SAMMSON: variants seen among roughly 807,000 people sequenced by gnomAD.
SAMMSON encodes the protein survival associated mitochondrial melanoma specific oncogenic non-coding RNA, also known as long intergenic non-protein coding RNA 1212.
chr3:70,399,187 C>T (rs1191188062), intron 2 of SAMMSON, among the ~76,000 whole-genome samples: 3 of 152,172 alleles, frequency 2.0e-5, no homozygotes, highest in Admixed American at 6.5e-5. Context: ...TACTCATATT[C>T]CACAACATCC....
chr3:70,317,452 C>T (rs1702503030), intron 7 of SAMMSON, among the ~76,000 whole-genome samples: 1 of 151,728 alleles, frequency 6.6e-6, no homozygotes, highest in Non-Finnish European at 1.5e-5. Flanking sequence ...TAATAGACTA[C>T]AATATAGAGT....
intron 1 of SAMMSON, among the ~76,000 whole-genome samples, chr3:70,002,685 G>A (rs1404622290): frequency 2.6e-5 from 4 of 151,780 alleles, no homozygotes; most frequent in Non-Finnish European, 5.9e-5. Context: ...ACTTTTTTTT[G>A]TTTTTGATTA....
At chr3:70,378,988 T>TTTAC (rs1485395816) in intron 9 of SAMMSON, among the ~76,000 whole-genome samples, 11 of 107,134 alleles carry the variant, frequency 1.0e-4, no homozygotes, top group African/African-American at 3.7e-4. Context: ...CTTTTATTTA[T>TTTAC]TTATTTATTT....
At chr3:70,041,008 C>T (rs1336784990) in intron 3 of SAMMSON, among the ~76,000 whole-genome samples, 2 of 152,048 alleles carry the variant, frequency 1.3e-5, no homozygotes, top group African/African-American at 2.4e-5. Flanking sequence ...GCTCCTTTGA[C>T]GTTACCAGGG....
At chr3:70,198,735 G>A (rs1282661517) in intron 4 of SAMMSON, among the ~76,000 whole-genome samples, 1 of 152,000 alleles carries the variant, frequency 6.6e-6, no homozygotes, top group African/African-American at 2.4e-5. Context: ...TTATAGTTCA[G>A]GCAGCATATT....
chr3:70,343,079 A>G (rs1355870812), intron 7 of SAMMSON, among the ~76,000 whole-genome samples: 1 of 152,210 alleles, frequency 6.6e-6, no homozygotes, highest in Non-Finnish European at 1.5e-5. Context: ...CATTTTTAAA[A>G]TAAGCTTTTT....
At chr3:70,270,392 GA>G (rs1160095926) in intron 6 of SAMMSON, among the ~76,000 whole-genome samples, 1 of 152,062 alleles carries the variant, frequency 6.6e-6, no homozygotes, top group Non-Finnish European at 1.5e-5. Flanking sequence ...AAAAAGAAAA[GA>G]AAAACACAGA....
intron 6 of SAMMSON, among the ~76,000 whole-genome samples, chr3:70,255,059 AAG>A (rs1246613385): frequency 6.6e-6 from 1 of 152,194 alleles, no homozygotes; most frequent in Non-Finnish European, 1.5e-5. Flanking sequence ...CAGCTTGAGA[AAG>A]AGAGAAACGC....
At chr3:70,202,830 C>T (rs1185181366) in intron 4 of SAMMSON, among the ~76,000 whole-genome samples, 2 of 152,198 alleles carry the variant, frequency 1.3e-5, no homozygotes, top group African/African-American at 4.8e-5. Context: ...CAACTGGGGA[C>T]TGGCTAATTA....
chr3:70,082,968 C>G (rs571009818), intron 4 of SAMMSON, among the ~76,000 whole-genome samples: 2 of 152,248 alleles, frequency 1.3e-5, no homozygotes, highest in Non-Finnish European at 2.9e-5. Context: ...GATTCAAATC[C>G]AGACAGCCTG....
chr3:70,368,113 A>G (rs1158772119), intron 9 of SAMMSON, among the ~76,000 whole-genome samples: 1 of 151,386 alleles, frequency 6.6e-6, no homozygotes, highest in African/African-American at 2.4e-5. Flanking sequence ...TTTAATTTTA[A>G]TAATAGTAAG....
At chr3:70,381,583 T>C (rs565838016) in intron 9 of SAMMSON, among the ~76,000 whole-genome samples, 17 of 152,274 alleles carry the variant, frequency 1.1e-4, no homozygotes, top group African/African-American at 3.8e-4. Context: ...TGCTTCCTGA[T>C]GTGAGACACT....
chr3:70,314,175 TC>T (rs1016538423), intron 7 of SAMMSON, among the ~76,000 whole-genome samples: 12 of 152,002 alleles, frequency 7.9e-5, no homozygotes, highest in Non-Finnish European at 1.5e-4. Context: ...AACCTCCTCC[TC>T]CCCCCAGTGC....
chr3:70,191,885 TAAA>T (rs11407511), intron 4 of SAMMSON, among the ~76,000 whole-genome samples: 2 of 134,956 alleles, frequency 1.5e-5, no homozygotes, highest in Non-Finnish European at 3.1e-5. Flanking sequence ...ACTCTTTCCC[TAAA>T]AAAAAAAAAA....
chr3:70,228,652 G>A (rs1198050683), intron 4 of SAMMSON, among the ~76,000 whole-genome samples: 1 of 149,454 alleles, frequency 6.7e-6, no homozygotes, highest in Admixed American at 6.6e-5. Context: ...TTTTTAGTGT[G>A]GGGCTAAATG....
chr3:70,339,846 C>A (rs1413082650), intron 7 of SAMMSON, among the ~76,000 whole-genome samples: 1 of 152,134 alleles, frequency 6.6e-6, no homozygotes, highest in Non-Finnish European at 1.5e-5. Context: ...GACAGTGTGG[C>A]AATTCTTCAA....
At chr3:70,093,567 A>G (rs1330540278) in intron 4 of SAMMSON, among the ~76,000 whole-genome samples, 1 of 152,174 alleles carries the variant, frequency 6.6e-6, no homozygotes, top group South Asian at 2.1e-4. Flanking sequence ...TCTTATTTAC[A>G]TGGTGCACAC....
chr3:70,235,220 T>C (rs1701595658), intron 4 of SAMMSON, among the ~76,000 whole-genome samples: 1 of 152,180 alleles, frequency 6.6e-6, no homozygotes, highest in Non-Finnish European at 1.5e-5. Context: ...TCATCAACCG[T>C]CGTTCTCTTT....
At chr3:70,017,104 T>G (rs1278722836) in intron 3 of SAMMSON, among the ~76,000 whole-genome samples, 2 of 152,122 alleles carry the variant, frequency 1.3e-5, no homozygotes, top group Non-Finnish European at 2.9e-5. Flanking sequence ...TTTAAAGTAG[T>G]TTTTTCCAAT....
Sources: gnomAD v4.1 joint callset for allele counts (sites outside exome capture counted in the v4.1 genomes callset) on GRCh38, gnomAD v4.1.1 for gene constraint, MANE v1.5 for transcripts, NCBI Gene and HGNC (gene_info 2026-07-23, HGNC 2026-07-21) for gene names.